The following SNRK variants were observed in gnomAD, a reference collection of about 807,000 sequenced individuals.
SNRK encodes SNF-related serine/threonine-protein kinase.
SNRK carries 3 observed loss-of-function variants against 48.2 expected under a neutral mutation model. The ratio of observed to expected loss-of-function variants is 0.06; its 90% CI spans 0.03 to 0.16. The LOEUF (loss-of-function observed/expected upper bound fraction) is 0.16, where lower values mean the gene tolerates loss of function less well. Ranked by LOEUF, SNRK falls within the 10% of genes least tolerant of loss-of-function variation. The pLI is 1.00. For missense variants in SNRK, 627 were observed against 976.0 expected (o/e 0.64, Z 4.76); for synonymous variants, 376 against 366.1 (o/e 1.03, Z -0.31).
intron 5 of SNRK, among the ~76,000 whole-genome samples, chr3:43,342,943 T>A (rs900464011): frequency 4.6e-5 from 7 of 152,256 alleles, no homozygotes; most frequent in Non-Finnish European, 7.3e-5. Flanking sequence ...TGCACATTCA[T>A]GTAACACAGA....
intron 3 of SNRK, among the ~76,000 whole-genome samples, chr3:43,325,939 A>C (rs945804829): frequency 1.3e-5 from 2 of 152,082 alleles, no homozygotes; most frequent in African/African-American, 4.8e-5. Flanking sequence ...GAAATCGCCC[A>C]AGTATGATGT....
In SNRK at chr3:43,348,019, G is replaced by A. The variant is rs1463991486; in HGVS notation, c.1760G>A (p.Ser587Asn). ...GATGGCGGGGGCCAGAGCAAGCCAAGCAATGCCAGTGGAGGGGTGGACAAG... is the reference window on the plus strand; with the variant it reads ...GATGGCGGGGGCCAGAGCAAGCCAAACAATGCCAGTGGAGGGGTGGACAAG... ...EGDGGGQSKP[S>N]NASGGVDKAS... The change falls in exon 7 of 7, where the codon AGC becomes AAC. Residue 587 changes from serine to asparagine, a missense_variant. This residue lies in a region of SNRK where 207 missense variants were observed against 234.3 expected (regional missense o/e 0.88). Coordinates refer to ENST00000296088, the MANE Select transcript of SNRK (RefSeq NM_017719.5). The A allele has an allele frequency of 7.4e-6, 12 of 1,611,894 alleles. No homozygotes were observed. Among genetic ancestry groups the A allele is most frequent in the African/African-American group, 1.3e-5 (1 of 74,916 alleles).
chr3:43,344,639 T>C (rs533337277), intron 6 of SNRK, among the ~76,000 whole-genome samples: 4 of 152,236 alleles, frequency 2.6e-5, no homozygotes, highest in African/African-American at 9.6e-5. Context: ...TTAGTAACTT[T>C]ATTCATATCT....
chr3:43,293,091 C>T (rs988000087), intron 1 of SNRK, among the ~76,000 whole-genome samples: 6 of 151,954 alleles, frequency 3.9e-5, no homozygotes, highest in Non-Finnish European at 7.4e-5. Flanking sequence ...AGTTGCATAC[C>T]TTTCTTTTCT....
chr3:43,296,770 A>G (rs1448557923), intron 1 of SNRK, among the ~76,000 whole-genome samples: 1 of 152,166 alleles, frequency 6.6e-6, no homozygotes, highest in East Asian at 1.9e-4. Flanking sequence ...AACAAGAATA[A>G]CAGGGTGAAT....
chr3:43,317,922 G>A (rs534283278), intron 3 of SNRK, among the ~76,000 whole-genome samples: 1 of 152,212 alleles, frequency 6.6e-6, no homozygotes, highest in Non-Finnish European at 1.5e-5. Context: ...TTAGATGAAT[G>A]AATACATGTA....
At chr3:43,316,062 A>G (rs559459228) in intron 3 of SNRK, among the ~76,000 whole-genome samples, 2 of 152,360 alleles carry the variant, frequency 1.3e-5, no homozygotes, top group East Asian at 3.9e-4. Flanking sequence ...ATTCTTGAGC[A>G]TGAAATGTTT....
chr3:43,300,310 G>A (rs1305796293), intron 2 of SNRK, among the ~76,000 whole-genome samples: 1 of 151,976 alleles, frequency 6.6e-6, no homozygotes, highest in African/African-American at 2.4e-5. Context: ...ATCTCTAGGT[G>A]TCTGAGGCTC....
rs191971589 is a variant in SNRK, at chr3:43,313,076, G to C, written c.589+9284G>C. ...TCTAAAATGTATCTGGAAAGGCAAA[G>C]AACCTAGAATAACTAAAACAATTAT... On this transcript the variant is annotated intron_variant, in intron 3 of 6. Coordinates refer to ENST00000296088, the MANE Select transcript of SNRK (RefSeq NM_017719.5). 2.0e-5 allele frequency among the ~76,000 whole-genome samples: 3 copies of C among 152,248 alleles called. No homozygotes were observed. The East Asian group carries it at 5.8e-4, about 29-fold the overall frequency.
Position 43,348,507 on chromosome 3 carries a change from G to C in SNRK, c.2248G>C (p.Glu750Gln). ...TGTGAACATCCAGCGGAACCCTAAG[G>C]AGGGGCTGCTGTGCGCATCCAGCCC... is the stretch of plus-strand genomic sequence containing the variant. ...ISVNIQRNPK[E>Q]GLLCASSPAS... is the part of the protein sequence containing the mutation. The change falls in exon 7 of 7, where the codon GAG becomes CAG. Residue 750 changes from glutamate to glutamine, a missense_variant. Physicochemically the swap from Glu to Gln is conservative, Grantham distance 29 (BLOSUM62 2). Transcript: ENST00000296088. The C allele has an allele frequency of 6.3e-7, 1 of 1,574,898 alleles. No individual in the cohort carries two copies. Among genetic ancestry groups the C allele is most frequent in the Non-Finnish European group, 8.6e-7 (1 of 1,162,896 alleles).
At chr3:43,334,308 A>G (rs1383296244) in intron 4 of SNRK, among the ~76,000 whole-genome samples, 2 of 152,034 alleles carry the variant, frequency 1.3e-5, no homozygotes, top group Non-Finnish European at 2.9e-5. Context: ...AGCAAAAAGA[A>G]AAATTAGCCA....
intron 1 of SNRK, among the ~76,000 whole-genome samples, chr3:43,287,453 G>T (rs2090775462): frequency 6.6e-6 from 1 of 152,136 alleles, no homozygotes; most frequent in South Asian, 2.1e-4. Context: ...CAGTCCAGTA[G>T]TTTCATAGGG....
intron 3 of SNRK, chr3:43,314,815 T>C (rs2125627998): frequency 6.6e-6 from 1 of 152,076 alleles, no homozygotes; most frequent in South Asian, 2.1e-4. Context: ...AAGGCTGAGG[T>C]GGGAAGATTG....
At position 43,351,129 on chromosome 3, in the gene SNRK, GT is replaced by G. The variant is rs1276093846; in HGVS notation, c.*2574del. 1 of 152,606 alleles carries G rather than the reference GT, an allele frequency of 6.6e-6. No homozygotes were observed. The highest frequency in any genetic ancestry group is 1.5e-5 in the Non-Finnish European group (1 of 68,034). 9.5% of individuals were successfully genotyped at this position (152,606 alleles called of 1,614,324 possible). ...CCAAATAATAAAGTGACATATTGGT[GT>G]TCAGCAATATAAACCGTGTCCTGTG... On this transcript the variant is annotated 3_prime_UTR_variant, in exon 7 of 7. Transcript: ENST00000296088.
At chr3:43,339,246 A>T (rs4682681) in intron 4 of SNRK, among the ~76,000 whole-genome samples, 149,345 of 152,290 alleles carry the variant, frequency 0.98, 73,296 homozygotes, top group East Asian at 1. Context: ...TAGTTAGAAG[A>T]TCTAAGTTGT....
intron 3 of SNRK, among the ~76,000 whole-genome samples, chr3:43,327,332 A>G (rs779341017): frequency 1.3e-5 from 2 of 152,202 alleles, no homozygotes; most frequent in Admixed American, 6.5e-5. Context: ...TGCCTTCTAC[A>G]TTAGTGTTAG....
rs1039873505 is a variant in SNRK, at chr3:43,350,883, T to C, written c.*2326T>C. On this transcript the variant is annotated 3_prime_UTR_variant, in exon 7 of 7. Transcript: ENST00000296088. The stretch of plus-strand genomic sequence containing the variant: ...ATGTGTGTATATATATATAATTATG[T>C]ACTTCTGGCAATTCTATCTGTATTT... 3.9e-5 allele frequency: 6 copies of C among 152,656 alleles called. No homozygotes were observed. Among genetic ancestry groups the C allele is most frequent in the African/African-American group, 1.2e-4 (5 of 41,450 alleles). The allele number at this position is 152,656 out of a possible 1,614,324, so 9.5% of individuals were successfully genotyped here.
At chr3:43,289,008 G>T (rs1476494094) in intron 1 of SNRK, among the ~76,000 whole-genome samples, 1 of 152,126 alleles carries the variant, frequency 6.6e-6, no homozygotes, top group African/African-American at 2.4e-5. Context: ...GTCTCTTTTG[G>T]TGGCCCTAGG....
intron 3 of SNRK, among the ~76,000 whole-genome samples, chr3:43,314,408 T>C (rs933262181): frequency 2.0e-5 from 3 of 152,190 alleles, no homozygotes; most frequent in African/African-American, 7.2e-5. Flanking sequence ...AAATATAAAT[T>C]GAGACATTCT....
Sources: allele counts gnomAD v4.1 joint callset (sites outside exome capture counted in the v4.1 genomes callset), GRCh38; gene constraint gnomAD v4.1.1; regional missense constraint gnomAD v4.1.1; transcripts MANE v1.5; gene names NCBI Gene and HGNC (gene_info 2026-07-23, HGNC 2026-07-21).